CCDC63: variants seen among roughly 807,000 people sequenced by gnomAD.
The protein encoded by CCDC63 is coiled-coil domain-containing protein 63.
Under a neutral mutation model 63.6 loss-of-function variants are expected in CCDC63, and 54 were observed. The observed-to-expected ratio is 0.85, with a 90% CI of 0.68 to 1.07. The LOEUF (loss-of-function observed/expected upper bound fraction) is 1.07, where lower values mean the gene tolerates loss of function less well. Among genes scored for constraint, CCDC63 ranks in the 50% least tolerant of loss-of-function variants. The pLI, the probability that CCDC63 is intolerant of heterozygous loss-of-function variation, is 0.00. For synonymous variants in CCDC63, 253 were observed against 266.1 expected, an observed-to-expected ratio of 0.95 and a Z score of 0.48; for missense variants, 637 against 689.6, an observed-to-expected ratio of 0.92 and a Z score of 0.86.
intron 8 of CCDC63, among the ~76,000 whole-genome samples, chr12:110,888,812 TCC>T: frequency 7.5e-6 from 1 of 133,644 alleles, no homozygotes; most frequent in Non-Finnish European, 1.5e-5. Flanking sequence ...CTTCCTTCCT[TCC>T]TTCCTTCCTT....
chr12:110,887,899 CCTT>C (rs980611623), intron 8 of CCDC63, among the ~76,000 whole-genome samples: 11 of 152,202 alleles, frequency 7.2e-5, no homozygotes, highest in Middle Eastern at 3.4e-3. Context: ...CCGGCCCCAG[CCTT>C]CTTTTTTAGT....
chr12:110,905,886 ATATAATATTATATATAATATATAT>A (rs1168892982), intron 11 of CCDC63, among the ~76,000 whole-genome samples: 1 of 87,082 alleles, frequency 1.1e-5, no homozygotes, highest in Non-Finnish European at 2.2e-5. Context: ...GTGTGTATAT[ATATAATATTATATATAATATATAT>A]TATATTATAT....
chr12:110,862,235 T>G (rs2070863881), intron 4 of CCDC63, among the ~76,000 whole-genome samples: 1 of 152,160 alleles, frequency 6.6e-6, no homozygotes, highest in Non-Finnish European at 1.5e-5. Flanking sequence ...TCCTCAGAAG[T>G]TTCTGGGGCT....
intron 4 of CCDC63, among the ~76,000 whole-genome samples, chr12:110,872,055 TA>T (rs2136681079): frequency 6.6e-6 from 1 of 152,284 alleles, no homozygotes; most frequent in East Asian, 1.9e-4. Flanking sequence ...AAGGAAGAAA[TA>T]AAAGTTATTT....
At chr12:110,886,580 C>T (rs1387106503) in intron 8 of CCDC63, among the ~76,000 whole-genome samples, 1 of 152,128 alleles carries the variant, frequency 6.6e-6, no homozygotes, top group African/African-American at 2.4e-5. Context: ...CCTGCTATGC[C>T]CTTCCTGGAG....
chr12:110,853,271 A>G, intron 2 of CCDC63, 134 bp from the exon 3 acceptor site: 2 of 867,744 alleles, frequency 2.3e-6, no homozygotes, highest in East Asian at 5.3e-5. Flanking sequence ...AGCAGCTGAC[A>G]TCACCCAAGG....
rs1464408325 is a variant in CCDC63 at position 110,906,049 on chromosome 12, A to T, written c.1546+1258A>T. Among the ~76,000 whole-genome samples, 162 of 66,680 alleles carry T rather than the reference A, an allele frequency of 2.4e-3. 1 individual carries two copies. Among genetic ancestry groups the T allele is most frequent in the Non-Finnish European group, 3.7e-3 (147 of 40,042 alleles). 43.7% of individuals were successfully genotyped at this position (66,680 alleles called of 152,430 possible). On this transcript the variant is annotated intron_variant, in intron 11 of 11. Transcript: ENST00000308208. ...ATATATTATAATAATATAATATATA[A>T]TATATATATAATATATATACTTTTT...
At chr12:110,881,386 T>A (rs2071208044) in intron 7 of CCDC63, 90 bp downstream of exon 7, 1 of 1,332,486 alleles carries the variant, frequency 7.5e-7, no homozygotes, top group Admixed American at 2.4e-5. Context: ...GGTGCCCAAG[T>A]CTCCTTGTGG....
intron 1 of CCDC63, among the ~76,000 whole-genome samples, chr12:110,848,010 C>A (rs1593628548): frequency 6.6e-6 from 1 of 152,254 alleles, no homozygotes; most frequent in Non-Finnish European, 1.5e-5. Flanking sequence ...GAGGCCCTTG[C>A]CTGACGTCCC....
chr12:110,868,760 G>GGAGGGGGAGGGAGAGGGA (rs2071021070), intron 4 of CCDC63, among the ~76,000 whole-genome samples: 1 of 115,792 alleles, frequency 8.6e-6, no homozygotes, highest in Non-Finnish European at 1.8e-5. Flanking sequence ...AGGGGAAGGG[G>GGAGGGGGAGGGAGAGGGA]GAGGGGGAGG....
Position 110,889,915 on chromosome 12 carries a change from A to C in CCDC63, c.1075-3161A>C, listed in dbSNP as rs1364735470. Among the ~76,000 whole-genome samples, 2 of 151,580 alleles carry C rather than the reference A, an allele frequency of 1.3e-5. No homozygotes were observed. The highest frequency in any genetic ancestry group is 2.9e-5 in the Non-Finnish European group (2 of 67,952). On this transcript the variant is annotated intron_variant, in intron 8 of 11. Coordinates refer to ENST00000308208, the MANE Select transcript of CCDC63 (RefSeq NM_152591.3). The surrounding 1 kb of genome is among the most constrained non-coding windows in gnomAD (Gnocchi z 4.1). ...TTTTTTCCGATTAGAATTTTTTTTC[A>C]CAATTTGGAAAATACTAAAAAGTAT...
At chr12:110,859,595 C>T (rs1056215181) in intron 4 of CCDC63, among the ~76,000 whole-genome samples, 8 of 151,828 alleles carry the variant, frequency 5.3e-5, no homozygotes, top group South Asian at 2.1e-4. Flanking sequence ...CGTGAGCCAC[C>T]GTGCCTGGCT....
intron 3 of CCDC63, among the ~76,000 whole-genome samples, chr12:110,855,875 C>CCTGAAAACCTAACTCTTGTAG (rs2136646383): frequency 6.6e-6 from 1 of 152,028 alleles, no homozygotes; most frequent in East Asian, 1.9e-4. Flanking sequence ...GCCACCGCAC[C>CCTGAAAACCTAACTCTTGTAG]AGGCCAAGTT....
intron 10 of CCDC63, among the ~76,000 whole-genome samples, chr12:110,900,169 T>C (rs914310172): frequency 1.3e-5 from 2 of 152,080 alleles, no homozygotes; most frequent in Non-Finnish European, 2.9e-5. Context: ...GTCAAAATTG[T>C]GCCACTGCAC....
At chr12:110,879,798 C>G in intron 5 of CCDC63, 108 bp from the exon 6 acceptor site, 2 of 1,059,376 alleles carry the variant, frequency 1.9e-6, no homozygotes, top group East Asian at 2.4e-5. Context: ...CTCCATGGCC[C>G]TTGCGTATGA....
chr12:110,884,368 G>A (rs1038367550), intron 8 of CCDC63, 118 bp downstream of exon 8: 14 of 716,134 alleles, frequency 2.0e-5, no homozygotes, highest in East Asian at 8.0e-5. Context: ...GGCCAACACC[G>A]CTCTATTCCC....
intron 9 of CCDC63, among the ~76,000 whole-genome samples, chr12:110,894,942 T>C (rs1016686662): frequency 6.6e-6 from 1 of 152,190 alleles, no homozygotes. Context: ...TTAGACGGAG[T>C]CTTACTCTGT....
intron 3 of CCDC63, among the ~76,000 whole-genome samples, chr12:110,856,945 C>T (rs2070779764): frequency 6.7e-6 from 1 of 149,300 alleles, no homozygotes; most frequent in Non-Finnish European, 1.5e-5. Flanking sequence ...GCCACCTGGG[C>T]TCAAGCAATC....
rs11610779 is a variant in CCDC63, at chr12:110,898,756, A to T, written c.1150-177A>T. Among the ~76,000 whole-genome samples, 54,565 of 151,810 alleles carry T rather than the reference A, an allele frequency of 0.36. 10,156 individuals carry two copies. Among genetic ancestry groups the T allele is most frequent in the African/African-American group, 0.44 (18,155 of 41,392 alleles). ...TAGTATTTTTTCTTCTCTCCCTTTC[A>T]TTGCTATTCTATTTTATTTTATTTC... On this transcript the variant is annotated intron_variant, in intron 9 of 11. Transcript: ENST00000308208.
Sources: allele counts gnomAD v4.1 joint callset (sites outside exome capture counted in the v4.1 genomes callset), GRCh38; gene constraint gnomAD v4.1.1; non-coding constraint Gnocchi (gnomAD v3.1); transcripts MANE v1.5; gene names NCBI Gene and HGNC (gene_info 2026-07-23, HGNC 2026-07-21).